The following RALGAPA2 variants were observed in gnomAD, a reference collection of about 807,000 sequenced individuals.
RALGAPA2 encodes the protein Ral GTPase activating protein catalytic subunit alpha 2, also known as ral GTPase-activating protein subunit alpha-2.
RALGAPA2 carries 139 observed loss-of-function variants against 230.4 expected under a neutral mutation model. That is an observed-to-expected ratio of 0.60 (90% confidence interval 0.53 to 0.69). The LOEUF (loss-of-function observed/expected upper bound fraction) is 0.69. RALGAPA2 is among the 30% of genes least tolerant of loss of function. The pLI, the probability that RALGAPA2 is intolerant of heterozygous loss-of-function variation, is 0.00. For missense variants in RALGAPA2, 2,163 were observed against 2,276.0 expected (o/e 0.95, Z 1.01); for synonymous variants, 847 against 837.8 (o/e 1.01, Z -0.19).
intron 3 of RALGAPA2, among the ~76,000 whole-genome samples, chr20:20,675,614 A>G (rs1725281111): frequency 6.6e-6 from 1 of 152,198 alleles, no homozygotes; most frequent in Non-Finnish European, 1.5e-5. Flanking sequence ...TATCTAATAC[A>G]TTTGGACAAG....
intron 23 of RALGAPA2, among the ~76,000 whole-genome samples, chr20:20,563,720 T>A (rs1238062181): frequency 6.6e-6 from 1 of 152,138 alleles, no homozygotes; most frequent in East Asian, 1.9e-4. Flanking sequence ...TGAACCAACA[T>A]TTGCCTTGAC....
chr20:20,684,734 A>G lies in RALGAPA2; in HGVS notation c.107-3933T>C, dbSNP rs2068641087. 2.0e-5 allele frequency among the ~76,000 whole-genome samples: 3 copies of G among 152,186 alleles called. No homozygotes were observed. The South Asian group carries it at 6.2e-4, about 31-fold the overall frequency. ...TCAGAAGAGTTGAAATCATCCCTTT[A>G]TTAATTTGCTGCCTCGTTGTCTGGC... is the stretch of plus-strand genomic sequence containing the variant. On this transcript the variant is annotated intron_variant, in intron 1 of 39. Transcript: ENST00000202677.
Position 20,629,442 on chromosome 20 carries a change from C to A in RALGAPA2, c.1154G>T (p.Arg385Leu). Reference sequence around the variant, plus strand: ...CCGCTGTACCATTTCATACACCATTCGGTGCTCTTCTTCAATGCTACAGAG... The same window carrying A: ...CCGCTGTACCATTTCATACACCATTAGGTGCTCTTCTTCAATGCTACAGAG... ...SSLCSIEEEHRMVYEMVQRIL... is the reference protein window; with the variant it reads ...SSLCSIEEEHLMVYEMVQRIL... Residue 385 changes from arginine to leucine, a missense_variant, in exon 10 of 40, where the codon CGA (arginine) becomes CTA (leucine). Arg to Leu is a moderately radical substitution (Grantham distance 102, BLOSUM62 -2). Coordinates refer to ENST00000202677, the MANE Select transcript of RALGAPA2 (RefSeq NM_020343.4). The A allele has an allele frequency of 1.2e-6, 2 of 1,613,874 alleles. No individual in the cohort carries two copies. The highest frequency in any genetic ancestry group is 1.7e-6 in the Non-Finnish European group (2 of 1,179,892).
chr20:20,549,362 G>A (rs1427409462), intron 23 of RALGAPA2, among the ~76,000 whole-genome samples: 1 of 152,114 alleles, frequency 6.6e-6, no homozygotes, highest in African/African-American at 2.4e-5. Flanking sequence ...TCACCCCCTG[G>A]ACCTCAGCCA....
rs1187097883 is a variant in RALGAPA2 at position 20,398,281 on chromosome 20, G to A, written c.5618-1547C>T. ...GGTTATGCTGTGCGTACAGGCACCC[G>A]ATTGGTAGAAACCAAGAAAGCAGAT... is the stretch of plus-strand genomic sequence containing the variant. On this transcript the variant is annotated intron_variant, in intron 38 of 39. Transcript: ENST00000202677. This position sits in a 1 kb window ranked among gnomAD's most constrained non-coding sequence, Gnocchi z 4.5. 2.6e-5 allele frequency among the ~76,000 whole-genome samples: 4 copies of A among 152,180 alleles called. No individual in the cohort carries two copies. The highest frequency in any genetic ancestry group is 6.5e-5 in the Admixed American group (1 of 15,286).
At position 20,573,004 on chromosome 20, in the gene RALGAPA2, G is replaced by A. The variant is rs772783332; in HGVS notation, c.2772C>T (p.His924=). ...GCCATAACACAGCAGCAGAGTCTGG[G>A]TGCCAACCAGTGAGGCTCCCCCCGG... is the stretch of plus-strand genomic sequence containing the variant. ...IIAGGSLTGW[H]PDSAAVLWRR... Residue 924 remains histidine, a synonymous_variant, in exon 21 of 40, where the codon CAC becomes CAT. Transcript: ENST00000202677. 7 of 1,610,462 alleles carry A rather than the reference G, an allele frequency of 4.3e-6. No homozygotes were observed. The Admixed American group carries it at 5.0e-5, about 12-fold the overall frequency.
chr20:20,672,920 A>G (rs1480354053), intron 3 of RALGAPA2, among the ~76,000 whole-genome samples: 2 of 152,212 alleles, frequency 1.3e-5, no homozygotes, highest in Non-Finnish European at 2.9e-5. Context: ...GCAGTAGCTC[A>G]CGCCTTGTAA....
intron 23 of RALGAPA2, among the ~76,000 whole-genome samples, chr20:20,548,901 C>T (rs1416503200): frequency 6.6e-6 from 1 of 152,208 alleles, no homozygotes; most frequent in Non-Finnish European, 1.5e-5. Context: ...TTTCTGTTGA[C>T]ATATGTTGCA....
At chr20:20,659,795 A>G in intron 3 of RALGAPA2, 1 of 888,004 alleles carries the variant, frequency 1.1e-6, no homozygotes, top group Non-Finnish European at 1.7e-6. Flanking sequence ...GATGGAGAGA[A>G]GGAAAAAACA....
chr20:20,655,640 T>C (rs1435359482), intron 3 of RALGAPA2, among the ~76,000 whole-genome samples: 1 of 152,060 alleles, frequency 6.6e-6, no homozygotes, highest in Non-Finnish European at 1.5e-5. Context: ...GGGCTTAATG[T>C]CCTCATGGGA....
chr20:20,526,384 C>T, intron 27 of RALGAPA2, 22 bp from the exon 28 acceptor site: 1 of 1,465,126 alleles, frequency 6.8e-7, no homozygotes, highest in Non-Finnish European at 9.4e-7. Context: ...AACCGAATCC[C>T]AAAGCAGACA....
At chr20:20,568,538 A>G (rs978255582) in intron 23 of RALGAPA2, among the ~76,000 whole-genome samples, 1 of 152,250 alleles carries the variant, frequency 6.6e-6, no homozygotes, top group Non-Finnish European at 1.5e-5. Flanking sequence ...CAGAGAACAC[A>G]ACTCATGAGA....
chr20:20,589,226 T>C, intron 18 of RALGAPA2, 42 bp downstream of exon 18: 1 of 1,521,096 alleles, frequency 6.6e-7, no homozygotes, highest in South Asian at 1.3e-5. Flanking sequence ...TAATTAATGT[T>C]TATTTTTAAT....
chr20:20,670,307 C>A (rs542747658), intron 3 of RALGAPA2, among the ~76,000 whole-genome samples: 2 of 152,228 alleles, frequency 1.3e-5, no homozygotes, highest in Non-Finnish European at 2.9e-5. Context: ...AAGTGGTAGG[C>A]AGCATGCCAG....
chr20:20,401,413 T>C (rs1297945869), intron 38 of RALGAPA2, among the ~76,000 whole-genome samples: 1 of 152,080 alleles, frequency 6.6e-6, no homozygotes, highest in Non-Finnish European at 1.5e-5. Context: ...CACACCACCC[T>C]CAAAGCAAAT....
chr20:20,692,186 C>T (rs1349198949), intron 1 of RALGAPA2, among the ~76,000 whole-genome samples: 1 of 152,140 alleles, frequency 6.6e-6, no homozygotes, highest in Non-Finnish European at 1.5e-5. Flanking sequence ...AAAGGGACTA[C>T]GACCATAGGA....
At chr20:20,404,429 C>T (rs2059907293) in intron 38 of RALGAPA2, among the ~76,000 whole-genome samples, 1 of 152,074 alleles carries the variant, frequency 6.6e-6, no homozygotes, top group Admixed American at 6.6e-5. Flanking sequence ...TTCCATTTGG[C>T]CTCTGCTTTG....
chr20:20,597,055 T>C (rs1389094859), intron 16 of RALGAPA2, among the ~76,000 whole-genome samples: 2 of 152,190 alleles, frequency 1.3e-5, no homozygotes, highest in Non-Finnish European at 2.9e-5. Context: ...TAATATTGAA[T>C]GAGAACAAAA....
At chr20:20,662,057 C>T (rs1370045779) in intron 3 of RALGAPA2, among the ~76,000 whole-genome samples, 1 of 152,046 alleles carries the variant, frequency 6.6e-6, no homozygotes, top group African/African-American at 2.4e-5. Context: ...ATAAAATAGG[C>T]AATACAGTAT....
Sources: gnomAD v4.1 joint callset for allele counts (sites outside exome capture counted in the v4.1 genomes callset) on GRCh38, gnomAD v4.1.1 for gene constraint, Gnocchi (gnomAD v3.1) non-coding constraint, MANE v1.5 for transcripts, NCBI Gene and HGNC (gene_info 2026-07-23, HGNC 2026-07-21) for gene names.